The following PPP2R2B variants were observed in gnomAD, a reference collection of about 807,000 sequenced individuals.
PPP2R2B encodes the protein protein phosphatase 2 regulatory subunit Bbeta.
A neutral mutation model predicts 46.0 loss-of-function variants in PPP2R2B; 5 were observed. The observed-to-expected ratio is 0.11, with a 90% CI of 0.06 to 0.23. The LOEUF (loss-of-function observed/expected upper bound fraction) is 0.23, where lower values mean the gene tolerates loss of function less well. Ranked by LOEUF, PPP2R2B falls within the 10% of genes least tolerant of loss-of-function variation. The probability of loss-of-function intolerance (pLI) is 1.00; values close to 1 mark genes in which losing one functional copy is unlikely to be tolerated. For missense variants in PPP2R2B, 367 were observed against 575.0 expected, an observed-to-expected ratio of 0.64 and a Z score of 3.70; for synonymous variants, 215 against 206.7, an observed-to-expected ratio of 1.04 and a Z score of -0.34.
At chr5:146,958,543 T>C (rs556565708) in intron 1 of PPP2R2B, among the ~76,000 whole-genome samples, 21 of 152,304 alleles carry the variant, frequency 1.4e-4, no homozygotes, top group Non-Finnish European at 2.6e-4. Flanking sequence ...TGAATTTTAC[T>C]AACTCTGTAT....
At chr5:146,911,990 C>T (rs1763200088) in intron 1 of PPP2R2B, among the ~76,000 whole-genome samples, 1 of 152,294 alleles carries the variant, frequency 6.6e-6, no homozygotes, top group South Asian at 2.1e-4. Flanking sequence ...GTAATCCCAG[C>T]ACTTTGGGAG....
chr5:146,997,853 T>C (rs977222339), intron 1 of PPP2R2B, among the ~76,000 whole-genome samples: 2 of 152,078 alleles, frequency 1.3e-5, no homozygotes, highest in African/African-American at 4.8e-5. Context: ...TTAAGGCAAA[T>C]ATAAGTGCTG....
At chr5:147,071,701 C>T (rs575046786) in intron 2 of PPP2R2B, among the ~76,000 whole-genome samples, 2 of 152,114 alleles carry the variant, frequency 1.3e-5, no homozygotes, top group African/African-American at 2.4e-5. Context: ...TCTTGACCAT[C>T]CTATTTAAAA....
chr5:146,781,485 A>G lies in PPP2R2B; in HGVS notation c.71-80343T>C, dbSNP rs1161397377. 2.6e-5 allele frequency among the ~76,000 whole-genome samples: 4 copies of G among 151,990 alleles called. No homozygotes were observed. The East Asian group carries it at 5.8e-4, about 22-fold the overall frequency. On this transcript the variant is annotated intron_variant, in intron 2 of 9. Transcript: ENST00000394411. ...ATATTTAGTTTACGTTAACACAAAA[A>G]TCTGGATATTTGAAAAACTGTGGTG...
At chr5:147,043,977 C>G (rs1756431841) in intron 1 of PPP2R2B, among the ~76,000 whole-genome samples, 1 of 152,028 alleles carries the variant, frequency 6.6e-6, no homozygotes, top group South Asian at 2.1e-4. Flanking sequence ...TCTTTCTGGG[C>G]TTTGGTGTCT....
At chr5:146,952,218 TG>T (rs1322989201) in intron 1 of PPP2R2B, among the ~76,000 whole-genome samples, 1 of 152,084 alleles carries the variant, frequency 6.6e-6, no homozygotes, top group Non-Finnish European at 1.5e-5. Context: ...ATCCTTTTTT[TG>T]GGATGACCAA....
chr5:146,926,574 C>T (rs1763789767), intron 1 of PPP2R2B, among the ~76,000 whole-genome samples: 1 of 151,950 alleles, frequency 6.6e-6, no homozygotes, highest in Non-Finnish European at 1.5e-5. Flanking sequence ...CTAGAGGTTG[C>T]TCCTGTGTCT....
At chr5:146,848,608 G>C (rs1760151342) in intron 2 of PPP2R2B, among the ~76,000 whole-genome samples, 1 of 151,986 alleles carries the variant, frequency 6.6e-6, no homozygotes, top group African/African-American at 2.4e-5. Context: ...ATCAATCAAA[G>C]GTACCTATAT....
At chr5:146,977,994 A>T (rs1752996674) in intron 1 of PPP2R2B, among the ~76,000 whole-genome samples, 1 of 152,184 alleles carries the variant, frequency 6.6e-6, no homozygotes, top group Non-Finnish European at 1.5e-5. Flanking sequence ...TCCCACCAAC[A>T]GTGTAAAAGC....
chr5:146,850,182 C>A (rs571295743), intron 2 of PPP2R2B, among the ~76,000 whole-genome samples: 4 of 152,190 alleles, frequency 2.6e-5, no homozygotes, highest in East Asian at 3.9e-4. Context: ...GAATCTTTTG[C>A]CAGGGTACAT....
chr5:146,691,363 C>A (rs903276874), intron 4 of PPP2R2B, 123 bp from the exon 5 acceptor site: 2 of 709,616 alleles, frequency 2.8e-6, no homozygotes, highest in Non-Finnish European at 4.7e-6. Flanking sequence ...GAAGCTGGCT[C>A]ACATAAACGT....
chr5:146,759,723 T>C (rs940179424), intron 2 of PPP2R2B, among the ~76,000 whole-genome samples: 5 of 152,180 alleles, frequency 3.3e-5, no homozygotes, highest in African/African-American at 1.2e-4. Flanking sequence ...AGTGTCCATA[T>C]GGGTGGGTCT....
chr5:146,748,438 C>T (rs1320820951), intron 2 of PPP2R2B, among the ~76,000 whole-genome samples: 1 of 152,152 alleles, frequency 6.6e-6, no homozygotes, highest in African/African-American at 2.4e-5. Context: ...AGACAATTTC[C>T]ATCACTATAA....
intron 2 of PPP2R2B, among the ~76,000 whole-genome samples, chr5:146,831,373 T>C (rs901918157): frequency 1.3e-5 from 2 of 151,890 alleles, no homozygotes; most frequent in African/African-American, 2.4e-5. Context: ...GGCAGGTGCC[T>C]GTAAGCCCAG....
intron 8 of PPP2R2B, among the ~76,000 whole-genome samples, chr5:146,599,324 C>T (rs1771546178): frequency 6.6e-6 from 1 of 152,222 alleles, no homozygotes; most frequent in African/African-American, 2.4e-5. Context: ...ACTCTTCATC[C>T]TACCCATCCT....
intron 2 of PPP2R2B, among the ~76,000 whole-genome samples, chr5:146,717,084 T>C (rs190539872): frequency 2.6e-5 from 4 of 152,362 alleles, no homozygotes; most frequent in African/African-American, 9.6e-5. Context: ...GACAGCTCTC[T>C]GCTTAGCTTA....
intron 1 of PPP2R2B, among the ~76,000 whole-genome samples, chr5:147,009,275 A>G (rs1463894148): frequency 6.6e-6 from 1 of 152,152 alleles, no homozygotes; most frequent in East Asian, 1.9e-4. Context: ...TGTGCATTTT[A>G]ATGCTGATCC....
At chr5:146,856,372 T>C in intron 2 of PPP2R2B, 2 of 688,438 alleles carry the variant, frequency 2.9e-6, no homozygotes, top group Non-Finnish European at 4.9e-6. Context: ...TTTAAGCAAC[T>C]GGAACTATTT....
chr5:146,677,710 T>C (rs1777834353), intron 5 of PPP2R2B, among the ~76,000 whole-genome samples: 1 of 151,990 alleles, frequency 6.6e-6, no homozygotes, highest in Non-Finnish European at 1.5e-5. Flanking sequence ...GTATTTTTTG[T>C]AGAGCTAGGG....
Sources: allele counts gnomAD v4.1 joint callset (sites outside exome capture counted in the v4.1 genomes callset), GRCh38; gene constraint gnomAD v4.1.1; transcripts MANE v1.5; gene names NCBI Gene and HGNC (gene_info 2026-07-23, HGNC 2026-07-21).